Variants in MYT1L observed in about 807,000 individuals in gnomAD.
The protein encoded by MYT1L is myelin transcription factor 1 like.
In MYT1L, 12 loss-of-function variants were observed where a neutral mutation model predicts 126.7. The ratio of observed to expected loss-of-function variants is 0.09; its 90% CI spans 0.06 to 0.15. The LOEUF (loss-of-function observed/expected upper bound fraction) is 0.15. Among genes scored for constraint, MYT1L ranks in the 10% least tolerant of loss-of-function variants. The pLI is 1.00. For synonymous variants in MYT1L, 541 were observed against 604.2 expected (o/e 0.90, Z 1.53); for missense variants, 979 against 1,585.2 (o/e 0.62, Z 6.49).
At position 1,979,003 on chromosome 2, in the gene MYT1L, C is replaced by T. The variant is rs1333864237; in HGVS notation, c.152+162G>A. Among the ~76,000 whole-genome samples the T allele has an allele frequency of 1.3e-5, 2 of 152,036 alleles. No homozygotes were observed. Among genetic ancestry groups the T allele is most frequent in the Non-Finnish European group, 2.9e-5 (2 of 68,010 alleles). ...ATCGAACGGCTTATGTTTTGAGAAC[C>T]CTTTCAAGAGACAAAGACTGAGTTC... On this transcript the variant is annotated intron_variant, in intron 8 of 24. Transcript: ENST00000647738. This position sits in a 1 kb window ranked among gnomAD's most constrained non-coding sequence, Gnocchi z 4.0.
intron 4 of MYT1L, among the ~76,000 whole-genome samples, chr2:2,019,608 A>G (rs912726748): frequency 6.6e-6 from 1 of 152,218 alleles, no homozygotes; most frequent in African/African-American, 2.4e-5. Flanking sequence ...AAGTTCCTTT[A>G]GATCCATGTC....
chr2:2,201,983 A>G (rs2093096188), intron 2 of MYT1L, among the ~76,000 whole-genome samples: 1 of 152,202 alleles, frequency 6.6e-6, no homozygotes. Flanking sequence ...AAAACCACTC[A>G]ATTACATGGA....
intron 20 of MYT1L, 50 bp from the exon 21 acceptor site, chr2:1,839,420 G>C (rs1263235050): frequency 6.5e-7 from 1 of 1,526,728 alleles, no homozygotes; most frequent in South Asian, 1.2e-5. Flanking sequence ...ACCGTCGCCT[G>C]GTGGCTTCTG....
intron 1 of MYT1L, among the ~76,000 whole-genome samples, chr2:2,298,203 G>A (rs771127883): frequency 2.6e-5 from 4 of 152,184 alleles, no homozygotes; most frequent in Non-Finnish European, 4.4e-5. Flanking sequence ...TTTCCCAGGA[G>A]CCTCAGTTGT....
chr2:2,271,795 C>G (rs1013073158), intron 2 of MYT1L, among the ~76,000 whole-genome samples: 1 of 152,152 alleles, frequency 6.6e-6, no homozygotes. Context: ...GACAAGGATG[C>G]CATGCCCATG....
chr2:1,797,900 CT>C (rs1161949455), intron 23 of MYT1L, among the ~76,000 whole-genome samples: 4 of 81,672 alleles, frequency 4.9e-5, no homozygotes, highest in African/African-American at 1.5e-4. Flanking sequence ...CGGTCTCCCC[CT>C]TCTCCGGCAC....
intron 2 of MYT1L, among the ~76,000 whole-genome samples, chr2:2,199,051 G>C (rs1475781647): frequency 6.6e-6 from 1 of 152,030 alleles, no homozygotes; most frequent in Non-Finnish European, 1.5e-5. Flanking sequence ...TCAGAGACAG[G>C]ACTAAGTTTT....
chr2:2,047,933 C>A (rs2068383512), intron 4 of MYT1L, among the ~76,000 whole-genome samples: 1 of 152,194 alleles, frequency 6.6e-6, no homozygotes, highest in South Asian at 2.1e-4. Flanking sequence ...ACACAAATTT[C>A]TTTCCAGGCT....
At chr2:1,866,241 G>C (rs903257383) in intron 18 of MYT1L, among the ~76,000 whole-genome samples, 2 of 152,098 alleles carry the variant, frequency 1.3e-5, no homozygotes, top group African/African-American at 4.8e-5. Flanking sequence ...TTAAAACAGA[G>C]GTCAGAGCTA....
At chr2:1,792,151 G>A (rs2032212120) in intron 24 of MYT1L, 144 bp from the exon 25 acceptor site, 1 of 1,211,186 alleles carries the variant, frequency 8.3e-7, no homozygotes, top group Non-Finnish European at 1.1e-6. Context: ...AAGTTTCTGG[G>A]GTCAGCCCCG....
intron 4 of MYT1L, among the ~76,000 whole-genome samples, chr2:2,023,120 C>T (rs1365052933): frequency 1.1e-4 from 16 of 152,156 alleles, no homozygotes; most frequent in Admixed American, 5.9e-4. Context: ...TTTTAAACTG[C>T]GCCCCAGGGA....
chr2:2,272,372 C>T (rs1156480653), intron 2 of MYT1L, among the ~76,000 whole-genome samples: 1 of 152,178 alleles, frequency 6.6e-6, no homozygotes, highest in Admixed American at 6.5e-5. Context: ...CCCCCGCCCT[C>T]GCTGAGCCCT....
intron 3 of MYT1L, among the ~76,000 whole-genome samples, chr2:2,108,314 G>C (rs1398558346): frequency 6.6e-6 from 1 of 152,160 alleles, no homozygotes; most frequent in Non-Finnish European, 1.5e-5. Flanking sequence ...GATCCGATGA[G>C]TTCTTAGGAA....
intron 3 of MYT1L, among the ~76,000 whole-genome samples, chr2:2,103,659 G>A (rs917919473): frequency 4.6e-5 from 7 of 152,210 alleles, no homozygotes; most frequent in Non-Finnish European, 1.0e-4. Flanking sequence ...CACAGGGCAC[G>A]TTCCCCACAT....
Position 2,093,561 on chromosome 2 carries a change from T to C in MYT1L, c.-303-39438A>G, listed in dbSNP as rs187152605. Reference sequence around the variant, plus strand: ...TGTTTGTTTTTTTCTTGTAAATTTGTTTGAGTTCTTTGTAGATTCTGAATA... The same window carrying C: ...TGTTTGTTTTTTTCTTGTAAATTTGCTTGAGTTCTTTGTAGATTCTGAATA... On this transcript the variant is annotated intron_variant, in intron 3 of 24. Coordinates refer to ENST00000647738, the MANE Select transcript of MYT1L (RefSeq NM_001303052.2). 4.0e-3 allele frequency among the ~76,000 whole-genome samples: 615 copies of C among 152,320 alleles called. 4 individuals are homozygous for C. The highest frequency in any genetic ancestry group is 0.014 in the African/African-American group (585 of 41,572).
intron 8 of MYT1L, among the ~76,000 whole-genome samples, chr2:1,949,086 C>T (rs2057497138): frequency 6.6e-6 from 1 of 152,068 alleles, no homozygotes; most frequent in African/African-American, 2.4e-5. Context: ...TGACAAAATA[C>T]CCCTCCCGTC....
intron 16 of MYT1L, among the ~76,000 whole-genome samples, chr2:1,888,150 C>T (rs1469144982): frequency 2.0e-5 from 3 of 152,218 alleles, no homozygotes; most frequent in African/African-American, 7.2e-5. Context: ...GATGTTTCTA[C>T]AGGTGGCAAT....
chr2:1,841,564 CTG>C (rs2041717713), intron 19 of MYT1L: 1 of 152,200 alleles, frequency 6.6e-6, no homozygotes, highest in Admixed American at 6.5e-5. Flanking sequence ...AGTTGGGAGA[CTG>C]GGGTGGGCTA....
chr2:2,146,669 A>C (rs1436359517), intron 3 of MYT1L, among the ~76,000 whole-genome samples: 1 of 152,178 alleles, frequency 6.6e-6, no homozygotes, highest in East Asian at 1.9e-4. Context: ...AAATAACTTC[A>C]GAATTAACAA....
Sources: gnomAD v4.1 joint callset for allele counts (sites outside exome capture counted in the v4.1 genomes callset) on GRCh38, gnomAD v4.1.1 for gene constraint, Gnocchi (gnomAD v3.1) non-coding constraint, MANE v1.5 for transcripts, NCBI Gene and HGNC (gene_info 2026-07-23, HGNC 2026-07-21) for gene names.